The following CLNK variants were observed in gnomAD, a reference collection of about 807,000 sequenced individuals.
The protein encoded by CLNK is cytokine dependent hematopoietic cell linker.
Under a neutral mutation model 68.6 loss-of-function variants are expected in CLNK, and 74 were observed. The ratio of observed to expected loss-of-function variants is 1.08; its 90% CI spans 0.89 to 1.31. The LOEUF is 1.31. CLNK is among the 50% of genes most tolerant of loss of function. The probability of loss-of-function intolerance (pLI) is 0.00; values close to 1 mark genes in which losing one functional copy is unlikely to be tolerated. For synonymous variants in CLNK, 198 were observed against 172.2 expected (o/e 1.15, Z -1.17); for missense variants, 553 against 515.3 (o/e 1.07, Z -0.71).
chr4:10,702,388 G>A, the CLNK span, among the ~76,000 whole-genome samples: 1 of 152,080 alleles, frequency 6.6e-6, no homozygotes. Flanking sequence ...TAGATGGGCT[G>A]AAGGAAACAC....
intron 3 of CLNK, among the ~76,000 whole-genome samples, chr4:10,593,756 G>A (rs993735846): frequency 2.6e-5 from 4 of 152,348 alleles, no homozygotes; most frequent in African/African-American, 9.6e-5. Flanking sequence ...ATGGCTGCCT[G>A]CACTTTGTCC....
chr4:10,688,181 G>A (rs1725337040), upstream of CLNK, among the ~76,000 whole-genome samples: 1 of 152,202 alleles, frequency 6.6e-6, no homozygotes, highest in African/African-American at 2.4e-5. Flanking sequence ...CCACTGAAGT[G>A]TAGTATGGGA....
chr4:10,632,181 G>T (rs1251828100), intron 2 of CLNK, among the ~76,000 whole-genome samples: 1 of 152,204 alleles, frequency 6.6e-6, no homozygotes, highest in Non-Finnish European at 1.5e-5. Context: ...TTCCCCAGTT[G>T]TACAGTACGA....
chr4:10,562,105 T>TC (rs1479965208), intron 7 of CLNK, among the ~76,000 whole-genome samples: 13 of 146,112 alleles, frequency 8.9e-5, no homozygotes, highest in South Asian at 8.6e-4. Flanking sequence ...TCTTTTCTTT[T>TC]TTTTTTTTTT....
intron 14 of CLNK, among the ~76,000 whole-genome samples, chr4:10,524,575 C>A (rs1025946620): frequency 6.6e-6 from 1 of 152,126 alleles, no homozygotes; most frequent in African/African-American, 2.4e-5. Flanking sequence ...CAGGGATAGT[C>A]AGGATTTATG....
chr4:10,566,153 A>G lies in CLNK; in HGVS notation c.151-3T>C. ...AGGACTGCAGCAAAGTTTCTTTCCT[A>G]AGCAGGTGGTAACATTCCAGTGAGT... is the stretch of plus-strand genomic sequence containing the variant. On this transcript the variant is annotated splice_polypyrimidine_tract_variant and splice_region_variant and intron_variant, in intron 5 of 18. Coordinates refer to ENST00000226951, the MANE Select transcript of CLNK (RefSeq NM_052964.4). The G allele has an allele frequency of 2.5e-6, 4 of 1,613,362 alleles. No individual in the cohort carries two copies. The highest frequency in any genetic ancestry group is 3.4e-6 in the Non-Finnish European group (4 of 1,179,498).
At chr4:10,692,292 G>A in the CLNK span, among the ~76,000 whole-genome samples, 1 of 152,202 alleles carries the variant, frequency 6.6e-6, no homozygotes, top group South Asian at 2.1e-4. Context: ...ATAAACTACT[G>A]GGCAAGGACA....
At chr4:10,699,411 A>G in the CLNK span, among the ~76,000 whole-genome samples, 1 of 134,938 alleles carries the variant, frequency 7.4e-6, no homozygotes, top group Non-Finnish European at 1.6e-5. Context: ...TGGATGTTCA[A>G]GTCCCTTACA....
intron 2 of CLNK, among the ~76,000 whole-genome samples, chr4:10,664,632 G>T (rs1203733625): frequency 6.6e-6 from 1 of 152,190 alleles, no homozygotes; most frequent in Non-Finnish European, 1.5e-5. Flanking sequence ...CGAGGATCTT[G>T]TAAAAGTATG....
chr4:10,525,731 C>T (rs1479563412), intron 14 of CLNK, 110 bp downstream of exon 14: 3 of 633,588 alleles, frequency 4.7e-6, no homozygotes, highest in African/African-American at 1.8e-5. Flanking sequence ...TATTGGGCTT[C>T]AGAAACAAAG....
intron 8 of CLNK, among the ~76,000 whole-genome samples, chr4:10,542,693 T>A (rs1219042132): frequency 6.6e-6 from 1 of 151,402 alleles, no homozygotes; most frequent in African/African-American, 2.4e-5. Context: ...TATATATATA[T>A]ATATACAATT....
At chr4:10,521,018 C>T (rs1245984265) in intron 14 of CLNK, among the ~76,000 whole-genome samples, 187 bp from the exon 15 acceptor site, 1 of 152,202 alleles carries the variant, frequency 6.6e-6, no homozygotes, top group Non-Finnish European at 1.5e-5. Flanking sequence ...CCTCCTTTCT[C>T]AAGCTGGCTA....
chr4:10,550,971 A>G (rs1019988938), intron 8 of CLNK, among the ~76,000 whole-genome samples: 2 of 152,230 alleles, frequency 1.3e-5, no homozygotes, highest in Non-Finnish European at 2.9e-5. Context: ...CTGCTCAGCA[A>G]TTAACCGGTG....
the CLNK span, among the ~76,000 whole-genome samples, chr4:10,716,686 C>CTTTTTTTTT: frequency 0.012 from 1,587 of 132,718 alleles, 17 homozygotes; most frequent in Non-Finnish European, 0.015. Flanking sequence ...AGACAGAAAA[C>CTTTTTTTTT]TTTTTTTTTT....
chr4:10,589,161 G>A (rs897658196), intron 3 of CLNK, among the ~76,000 whole-genome samples: 2 of 152,160 alleles, frequency 1.3e-5, no homozygotes, highest in African/African-American at 2.4e-5. Context: ...GAGGTGATGG[G>A]TACATTGAAG....
At chr4:10,732,315 G>T in the CLNK span, among the ~76,000 whole-genome samples, 1 of 152,172 alleles carries the variant, frequency 6.6e-6, no homozygotes, top group South Asian at 2.1e-4. Context: ...GATTTAACAG[G>T]ATTTGAGGAG....
intron 18 of CLNK, among the ~76,000 whole-genome samples, chr4:10,499,546 G>A (rs1173706360): frequency 6.6e-6 from 1 of 152,182 alleles, no homozygotes; most frequent in East Asian, 1.9e-4. Flanking sequence ...TCACACGTGT[G>A]CCTACCTGAA....
intron 10 of CLNK, among the ~76,000 whole-genome samples, chr4:10,541,612 C>A (rs913616583): frequency 1.3e-5 from 2 of 151,438 alleles, no homozygotes; most frequent in East Asian, 3.9e-4. Flanking sequence ...ATATATATAT[C>A]TCACATGAAT....
intron 2 of CLNK, among the ~76,000 whole-genome samples, chr4:10,642,973 A>T (rs1262725336): frequency 1.3e-5 from 2 of 152,198 alleles, no homozygotes; most frequent in Admixed American, 6.5e-5. Context: ...AGATGCATCT[A>T]CCTAGAACAA....
Sources: gnomAD v4.1 joint callset for allele counts (sites outside exome capture counted in the v4.1 genomes callset) on GRCh38, gnomAD v4.1.1 for gene constraint, MANE v1.5 for transcripts, NCBI Gene and HGNC (gene_info 2026-07-23, HGNC 2026-07-21) for gene names.